The following SAMMSON variants were observed in gnomAD, a reference collection of about 807,000 sequenced individuals.
SAMMSON encodes long intergenic non-protein coding RNA 1212.
intron 6 of SAMMSON, among the ~76,000 whole-genome samples, chr3:70,277,743 G>A (rs924844817): frequency 6.6e-6 from 1 of 152,078 alleles, no homozygotes; most frequent in Non-Finnish European, 1.5e-5. Flanking sequence ...AAACAGGGAG[G>A]GGTGTGCTTG....
intron 1 of SAMMSON, among the ~76,000 whole-genome samples, chr3:70,004,512 A>T (rs2066918572): frequency 6.6e-6 from 1 of 152,190 alleles, no homozygotes; most frequent in South Asian, 2.1e-4. Context: ...GATCCTAGAG[A>T]CAACATAGCT....
At chr3:70,231,134 C>T (rs2106744527) in intron 4 of SAMMSON, among the ~76,000 whole-genome samples, 1 of 152,290 alleles carries the variant, frequency 6.6e-6, no homozygotes, top group South Asian at 2.1e-4. Flanking sequence ...AGGGCATTTT[C>T]GTACATGTAC....
At chr3:70,319,197 C>T (rs902899020) in intron 7 of SAMMSON, among the ~76,000 whole-genome samples, 1 of 152,046 alleles carries the variant, frequency 6.6e-6, no homozygotes, top group Admixed American at 6.6e-5. Flanking sequence ...GCCACTTCAA[C>T]AACCCAAACT....
chr3:70,227,132 A>G (rs1318469575), intron 4 of SAMMSON, among the ~76,000 whole-genome samples: 1 of 152,188 alleles, frequency 6.6e-6, no homozygotes, highest in Non-Finnish European at 1.5e-5. Flanking sequence ...AAGATACTTG[A>G]AATACAGGTT....
chr3:70,046,644 A>G (rs886847286), intron 3 of SAMMSON, among the ~76,000 whole-genome samples: 1 of 151,988 alleles, frequency 6.6e-6, no homozygotes. Flanking sequence ...CTACTTTTCT[A>G]TTGCTTTTGC....
intron 7 of SAMMSON, among the ~76,000 whole-genome samples, chr3:70,302,060 A>G (rs1702354323): frequency 6.6e-6 from 1 of 152,110 alleles, no homozygotes; most frequent in South Asian, 2.1e-4. Flanking sequence ...GTCTTATTTA[A>G]TACTATACTT....
chr3:70,311,108 G>A (rs1255875890), intron 7 of SAMMSON, among the ~76,000 whole-genome samples: 1 of 152,098 alleles, frequency 6.6e-6, no homozygotes, highest in Non-Finnish European at 1.5e-5. Flanking sequence ...ATTTATTAGA[G>A]TTTCCTACAA....
chr3:70,155,580 T>C (rs968727295), intron 4 of SAMMSON, among the ~76,000 whole-genome samples: 10 of 152,090 alleles, frequency 6.6e-5, no homozygotes, highest in Non-Finnish European at 1.3e-4. Flanking sequence ...GAGGATGATA[T>C]ATTTTATATA....
chr3:70,141,657 G>A (rs11128162), intron 4 of SAMMSON, among the ~76,000 whole-genome samples: 1 of 152,018 alleles, frequency 6.6e-6, no homozygotes, highest in Non-Finnish European at 1.5e-5. Flanking sequence ...GTTTTTAAAT[G>A]TCTTACATTT....
At chr3:70,331,603 T>C (rs1702621903) in intron 7 of SAMMSON, among the ~76,000 whole-genome samples, 2 of 152,242 alleles carry the variant, frequency 1.3e-5, no homozygotes, top group Admixed American at 1.3e-4. Context: ...ACACAAATCT[T>C]GTCAGAGATG....
At chr3:70,186,636 C>T (rs968257680) in intron 4 of SAMMSON, among the ~76,000 whole-genome samples, 7 of 151,912 alleles carry the variant, frequency 4.6e-5, no homozygotes, top group African/African-American at 1.7e-4. Context: ...TTGATGGCAC[C>T]GAATTGAGGG....
intron 7 of SAMMSON, among the ~76,000 whole-genome samples, chr3:70,326,597 G>T (rs1351872826): frequency 2.0e-5 from 3 of 152,074 alleles, no homozygotes; most frequent in Non-Finnish European, 4.4e-5. Context: ...CTTATATTCT[G>T]AGCAGACACT....
intron 9 of SAMMSON, among the ~76,000 whole-genome samples, chr3:70,377,924 G>T (rs1277965485): frequency 2.0e-5 from 3 of 151,848 alleles, no homozygotes; most frequent in Non-Finnish European, 4.4e-5. Context: ...TTGCCCATCA[G>T]ACTGACAAAC....
At chr3:70,425,023 A>AGGAGGAAGAAG (rs1701347377) in intron 2 of SAMMSON, 1 of 152,814 alleles carries the variant, frequency 6.5e-6, no homozygotes, top group Non-Finnish European at 1.5e-5. Flanking sequence ...GAGAAGGAAG[A>AGGAGGAAGAAG]GGAGGAAGAA....
intron 6 of SAMMSON, among the ~76,000 whole-genome samples, chr3:70,281,054 C>G (rs1409392058): frequency 1.3e-5 from 2 of 152,160 alleles, no homozygotes; most frequent in African/African-American, 4.8e-5. Flanking sequence ...GCTGAAGGAT[C>G]TCATGTACAT....
chr3:70,063,085 GC>G (rs199701118), intron 3 of SAMMSON, among the ~76,000 whole-genome samples: 27 of 149,860 alleles, frequency 1.8e-4, no homozygotes, highest in Admixed American at 4.7e-4. Flanking sequence ...TCTGTCACCA[GC>G]CCCCCCCACC....
chr3:70,276,052 A>G (rs1702022711), intron 6 of SAMMSON, among the ~76,000 whole-genome samples: 1 of 152,170 alleles, frequency 6.6e-6, no homozygotes, highest in Non-Finnish European at 1.5e-5. Flanking sequence ...AAAAAAAAGT[A>G]TATATACTCT....
At chr3:70,063,100 G>T (rs1281372147) in intron 3 of SAMMSON, among the ~76,000 whole-genome samples, 2 of 88,956 alleles carry the variant, frequency 2.2e-5, no homozygotes, top group African/African-American at 8.5e-5. Context: ...CCCCACCCCC[G>T]CCGCATTGAC....
At chr3:70,245,974 G>C (rs529747483) in intron 4 of SAMMSON, among the ~76,000 whole-genome samples, 14 of 150,576 alleles carry the variant, frequency 9.3e-5, no homozygotes, top group South Asian at 2.1e-4. Flanking sequence ...ATATGGTAGG[G>C]AACTGAAATT....
Sources: gnomAD v4.1 joint callset for allele counts (sites outside exome capture counted in the v4.1 genomes callset) on GRCh38, gnomAD v4.1.1 for gene constraint, MANE v1.5 for transcripts, NCBI Gene and HGNC (gene_info 2026-07-23, HGNC 2026-07-21) for gene names.